Variants in GAN observed in about 807,000 individuals in gnomAD.
GAN encodes the protein gigaxonin.
In GAN, 48 loss-of-function variants were observed where a neutral mutation model predicts 71.3. The ratio of observed to expected loss-of-function variants is 0.67; its 90% confidence interval spans 0.53 to 0.86. The LOEUF is 0.86. Ranked by LOEUF, GAN falls within the 40% of genes least tolerant of loss-of-function variation. The probability of loss-of-function intolerance (pLI) is 0.00; values close to 1 mark genes in which losing one functional copy is unlikely to be tolerated. For missense variants in GAN, 928 were observed against 770.1 expected (o/e 1.21, Z -2.43); for synonymous variants, 386 against 276.8 (o/e 1.39, Z -3.92).
intron 1 of GAN, among the ~76,000 whole-genome samples, chr16:81,319,320 A>G (rs1265494293): frequency 6.6e-6 from 1 of 151,638 alleles, no homozygotes; most frequent in Non-Finnish European, 1.5e-5. Context: ...CTTCTGGGGA[A>G]AGCTCCCTGC....
chr16:81,366,157 A>G (rs1187538432), intron 9 of GAN, among the ~76,000 whole-genome samples: 1 of 152,050 alleles, frequency 6.6e-6, no homozygotes. Flanking sequence ...TTATCCCTTC[A>G]TCTATGATTC....
chr16:81,366,585 G>C (rs1195389756), intron 9 of GAN, among the ~76,000 whole-genome samples: 1 of 152,240 alleles, frequency 6.6e-6, no homozygotes, highest in Non-Finnish European at 1.5e-5. Flanking sequence ...AGGGCACGCA[G>C]TGAGCAGTTA....
intron 4 of GAN, among the ~76,000 whole-genome samples, chr16:81,357,564 C>T (rs996430568): frequency 5.3e-5 from 8 of 152,186 alleles, no homozygotes; most frequent in Non-Finnish European, 7.3e-5. Flanking sequence ...CCGCAATAAA[C>T]ATACGTGTGC....
chr16:81,381,544 C>T lies in GAN; in HGVS notation c.*3948C>T, dbSNP rs777521863. 2.0e-5 allele frequency: 3 copies of T among 152,218 alleles called. No homozygotes were observed. Among genetic ancestry groups the T allele is most frequent in the Non-Finnish European group, 4.4e-5 (3 of 68,078 alleles). The allele number at this position is 152,218 out of a possible 1,614,324, so 9.4% of individuals were successfully genotyped here. ...AGAGAGCAGCTGAGTGTAGCAAAAC[C>T]CGCCTTGGGTCAGCCAACACATGTC... On this transcript the variant is annotated 3_prime_UTR_variant, in exon 11 of 11. Transcript: ENST00000648994.
rs181873018 is a variant in GAN at position 81,389,209 on chromosome 16, C to T, written c.*11613C>T. The T allele has an allele frequency of 2.0e-5, 3 of 152,334 alleles. No homozygotes were observed. In the East Asian group the frequency reaches 5.8e-4, roughly 29 times the overall value. The allele number at this position is 152,334 out of a possible 1,614,324, so 9.4% of individuals were successfully genotyped here. On this transcript the variant is annotated 3_prime_UTR_variant, in exon 11 of 11. Coordinates refer to ENST00000648994, the MANE Select transcript of GAN (RefSeq NM_022041.4). ...ACAGGCTGTTTATTAGCACAACTTGCTTCATTAAATAATTCGTGGCTTTTT... is the reference window on the plus strand; with the variant it reads ...ACAGGCTGTTTATTAGCACAACTTGTTTCATTAAATAATTCGTGGCTTTTT...
At chr16:81,370,604 G>T (rs1465986296) in intron 9 of GAN, among the ~76,000 whole-genome samples, 2 of 152,216 alleles carry the variant, frequency 1.3e-5, no homozygotes, top group East Asian at 3.9e-4. Flanking sequence ...AAGTGTGTGT[G>T]CTGAGGCCGC....
chr16:81,390,249 G>A lies in GAN; in HGVS notation c.*12653G>A, dbSNP rs1366903963. ...AGTTCAGTAGGATAGTAGAGAAGTC[G>A]TGCTAAGTTGATTTCATTGAAATGT... On this transcript the variant is annotated 3_prime_UTR_variant, in exon 11 of 11. Coordinates refer to ENST00000648994, the MANE Select transcript of GAN (RefSeq NM_022041.4). 7 of 152,174 alleles carry A rather than the reference G, an allele frequency of 4.6e-5. No individual in the cohort carries two copies. Among genetic ancestry groups the A allele is most frequent in the South Asian group, 2.1e-4 (1 of 4,832 alleles). The allele number at this position is 152,174 out of a possible 1,614,324, so 9.4% of individuals were successfully genotyped here.
At chr16:81,340,034 A>T (rs4888143) in intron 1 of GAN, among the ~76,000 whole-genome samples, 149,654 of 152,296 alleles carry the variant, frequency 0.98, 73,578 homozygotes, top group Non-Finnish European at 1. Flanking sequence ...GAAGTCTCTT[A>T]TTCCTTCCTC....
At chr16:81,374,360 G>A (rs552442933) in intron 9 of GAN, among the ~76,000 whole-genome samples, 100 of 152,200 alleles carry the variant, frequency 6.6e-4, no homozygotes, top group African/African-American at 1.9e-3. Context: ...GAGATCATTC[G>A]AGAATTTGCA....
chr16:81,354,124 A>G (rs1274365874), intron 2 of GAN, among the ~76,000 whole-genome samples: 1 of 152,202 alleles, frequency 6.6e-6, no homozygotes, highest in Admixed American at 6.5e-5. Context: ...AGAAGTGAAC[A>G]ACATGGACAG....
intron 1 of GAN, among the ~76,000 whole-genome samples, chr16:81,327,631 ACT>A (rs1228752040): frequency 6.6e-6 from 1 of 151,270 alleles, no homozygotes; most frequent in East Asian, 1.9e-4. Context: ...CTTCCTTGTA[ACT>A]CTCTACATTG....
chr16:81,344,748 A>C (rs1320684616), intron 1 of GAN, among the ~76,000 whole-genome samples: 1 of 152,142 alleles, frequency 6.6e-6, no homozygotes, highest in African/African-American at 2.4e-5. Flanking sequence ...AAAGCCAAAA[A>C]CGACAAATGG....
At chr16:81,320,999 A>T (rs986181984) in intron 1 of GAN, among the ~76,000 whole-genome samples, 1 of 152,014 alleles carries the variant, frequency 6.6e-6, no homozygotes. Context: ...GATAATAACT[A>T]TGTTCAGTTT....
chr16:81,343,815 A>G (rs1203808425), intron 1 of GAN, among the ~76,000 whole-genome samples: 2 of 152,226 alleles, frequency 1.3e-5, no homozygotes, highest in Non-Finnish European at 2.9e-5. Flanking sequence ...ATAGGAAGAA[A>G]GGAAGTCAAA....
At chr16:81,332,315 AG>A (rs1315915134) in intron 1 of GAN, among the ~76,000 whole-genome samples, 5 of 152,198 alleles carry the variant, frequency 3.3e-5, no homozygotes, top group Non-Finnish European at 5.9e-5. Context: ...GGGTTGCAGC[AG>A]GCAGTTTCAG....
Position 81,377,465 on chromosome 16 carries a change from C to A in GAN, c.1663C>A (p.His555Asn). ...GTTTAAAAGAAGCACAGGAACCTGG[C>A]ACCACACTAAACCACTCCTTCCATC... ...REFKRSTGTWHHTKPLLPSDL... is the reference protein window; with the variant it reads ...REFKRSTGTWNHTKPLLPSDL... Residue 555 changes from histidine to asparagine, a missense_variant, in exon 11 of 11, where the codon CAC becomes AAC. Physicochemically the swap from His to Asn is moderately conservative, Grantham distance 68. Coordinates refer to ENST00000648994, the MANE Select transcript of GAN (RefSeq NM_022041.4). The A allele has an allele frequency of 1.2e-6, 2 of 1,614,032 alleles. No homozygotes were observed. Among genetic ancestry groups the A allele is most frequent in the Non-Finnish European group, 1.7e-6 (2 of 1,179,872 alleles).
At chr16:81,324,487 G>T (rs1396924961) in intron 1 of GAN, among the ~76,000 whole-genome samples, 2 of 152,148 alleles carry the variant, frequency 1.3e-5, no homozygotes, top group Non-Finnish European at 2.9e-5. Flanking sequence ...GTGGCACCAG[G>T]ACTAGGTCAG....
intron 6 of GAN, 22 bp from the exon 7 acceptor site, chr16:81,363,772 G>T: frequency 6.2e-7 from 1 of 1,610,430 alleles, no homozygotes; most frequent in South Asian, 1.1e-5. Flanking sequence ...TGTGTGTTCA[G>T]GGATCGCTAA....
At chr16:81,369,817 G>C (rs774382803) in intron 9 of GAN, among the ~76,000 whole-genome samples, 1 of 152,142 alleles carries the variant, frequency 6.6e-6, no homozygotes, top group Non-Finnish European at 1.5e-5. Context: ...TGATCTGCCC[G>C]CCTCGGCCTC....
Sources: gnomAD v4.1 joint callset for allele counts (sites outside exome capture counted in the v4.1 genomes callset) on GRCh38, gnomAD v4.1.1 for gene constraint, MANE v1.5 for transcripts, NCBI Gene and HGNC (gene_info 2026-07-23, HGNC 2026-07-21) for gene names.